Variants in TMTC1 observed in about 807,000 individuals in gnomAD.
TMTC1 encodes transmembrane O-mannosyltransferase targeting cadherins 1, also known as protein O-mannosyl-transferase TMTC1.
In TMTC1, 73 loss-of-function variants were observed where a neutral mutation model predicts 104.8. The ratio of observed to expected loss-of-function variants is 0.70; its 90% confidence interval spans 0.58 to 0.85. The LOEUF (loss-of-function observed/expected upper bound fraction) is 0.85, where lower values mean the gene tolerates loss of function less well. Ranked by LOEUF, TMTC1 falls within the 40% of genes least tolerant of loss-of-function variation. The pLI, the probability that TMTC1 is intolerant of heterozygous loss-of-function variation, is 0.00. For missense variants in TMTC1, 1,035 were observed against 1,096.1 expected, an observed-to-expected ratio of 0.94 and a Z score of 0.79; for synonymous variants, 434 against 428.7, an observed-to-expected ratio of 1.01 and a Z score of -0.15.
intron 10 of TMTC1, among the ~76,000 whole-genome samples, chr12:29,552,470 G>C (rs778516546): frequency 6.6e-6 from 1 of 152,056 alleles, no homozygotes; most frequent in Non-Finnish European, 1.5e-5. Flanking sequence ...TACATGTATG[G>C]CTCTCATTTC....
intron 5 of TMTC1, among the ~76,000 whole-genome samples, chr12:29,732,855 C>T (rs1942580079): frequency 6.6e-6 from 1 of 152,076 alleles, no homozygotes; most frequent in African/African-American, 2.4e-5. Flanking sequence ...CTTCTCATGC[C>T]ATTTAAAGTC....
chr12:29,736,146 A>G (rs1295142612), intron 5 of TMTC1, among the ~76,000 whole-genome samples: 1 of 151,902 alleles, frequency 6.6e-6, no homozygotes. Context: ...AGCAGCCAAT[A>G]TACAGAAAGC....
intron 17 of TMTC1, among the ~76,000 whole-genome samples, chr12:29,510,837 C>T (rs553863901): frequency 5.9e-5 from 9 of 152,290 alleles, no homozygotes; most frequent in African/African-American, 2.2e-4. Flanking sequence ...AACCCTGACT[C>T]ATTTGGCATA....
chr12:29,644,147 GTGTATATA>G (rs1401753013), intron 5 of TMTC1, among the ~76,000 whole-genome samples: 9 of 61,534 alleles, frequency 1.5e-4, no homozygotes, highest in East Asian at 1.4e-3. Flanking sequence ...GTGTGTGTGT[GTGTATATA>G]TATATATAAT....
upstream of TMTC1, chr12:29,784,566 C>T (rs1174312583): frequency 6.6e-6 from 1 of 152,238 alleles, no homozygotes; most frequent in East Asian, 1.9e-4. Flanking sequence ...ATCCTGCTCG[C>T]CCTGCCCGGG....
At chr12:29,688,936 G>T (rs1941179959) in intron 5 of TMTC1, among the ~76,000 whole-genome samples, 1 of 152,036 alleles carries the variant, frequency 6.6e-6, no homozygotes, top group Non-Finnish European at 1.5e-5. Flanking sequence ...TGTGACCAAT[G>T]AGATCTAAGA....
chr12:29,692,873 C>T (rs1222207892), intron 5 of TMTC1, among the ~76,000 whole-genome samples: 2 of 144,510 alleles, frequency 1.4e-5, no homozygotes, highest in Non-Finnish European at 3.0e-5. Context: ...CATCATACTA[C>T]ATTAAAGAAG....
intron 9 of TMTC1, among the ~76,000 whole-genome samples, chr12:29,563,704 T>C (rs2136279206): frequency 6.6e-6 from 1 of 152,264 alleles, no homozygotes; most frequent in East Asian, 1.9e-4. Flanking sequence ...TGATCGAGAT[T>C]TTATGCATTA....
intron 9 of TMTC1, among the ~76,000 whole-genome samples, chr12:29,558,199 G>T (rs1466862963): frequency 6.6e-6 from 1 of 152,190 alleles, no homozygotes; most frequent in Non-Finnish European, 1.5e-5. Flanking sequence ...TGGTAGGTTT[G>T]TTCCATCTCT....
chr12:29,687,094 G>A (rs147087451), intron 5 of TMTC1, among the ~76,000 whole-genome samples: 21 of 152,206 alleles, frequency 1.4e-4, no homozygotes, highest in South Asian at 4.1e-4. Context: ...ACAATAATAC[G>A]CAAGAAAATA....
At chr12:29,561,197 A>T (rs2136273292) in intron 9 of TMTC1, among the ~76,000 whole-genome samples, 1 of 152,250 alleles carries the variant, frequency 6.6e-6, no homozygotes, top group East Asian at 1.9e-4. Context: ...AGAAAAAAAA[A>T]AAAAGACATC....
At chr12:29,718,374 G>A (rs1942141784) in intron 5 of TMTC1, among the ~76,000 whole-genome samples, 1 of 152,182 alleles carries the variant, frequency 6.6e-6, no homozygotes, top group South Asian at 2.1e-4. Flanking sequence ...AGAATCCAGA[G>A]CAGCCTTGAT....
At chr12:29,592,572 C>A (rs902264236) in intron 7 of TMTC1, among the ~76,000 whole-genome samples, 1 of 152,104 alleles carries the variant, frequency 6.6e-6, no homozygotes. Context: ...TCTTTTACTC[C>A]TCTCAGCCTC....
At chr12:29,770,781 T>G (rs956408891) in intron 1 of TMTC1, among the ~76,000 whole-genome samples, 1 of 152,116 alleles carries the variant, frequency 6.6e-6, no homozygotes, top group East Asian at 1.9e-4. Flanking sequence ...TACAGACAAG[T>G]AAGCTTGAGA....
At chr12:29,574,783 G>C (rs1021146456) in intron 8 of TMTC1, among the ~76,000 whole-genome samples, 3 of 152,106 alleles carry the variant, frequency 2.0e-5, no homozygotes, top group Non-Finnish European at 4.4e-5. Context: ...TTCCTCACAG[G>C]CCCTATATCC....
intron 1 of TMTC1, among the ~76,000 whole-genome samples, chr12:29,779,053 T>C (rs894077963): frequency 6.6e-6 from 1 of 152,188 alleles, no homozygotes; most frequent in South Asian, 2.1e-4. Context: ...GCAAAAAGAC[T>C]GGCACTCTTC....
At chr12:29,686,155 C>T (rs929956123) in intron 5 of TMTC1, among the ~76,000 whole-genome samples, 7 of 152,256 alleles carry the variant, frequency 4.6e-5, no homozygotes, top group African/African-American at 1.7e-4. Flanking sequence ...TGACATTGTT[C>T]ATCAATCTCT....
intron 5 of TMTC1, among the ~76,000 whole-genome samples, chr12:29,728,998 CAAAAAAAAAAA>C (rs34267484): frequency 5.8e-5 from 4 of 68,748 alleles, no homozygotes; most frequent in South Asian, 5.2e-4. Flanking sequence ...ACTCCATCTC[CAAAAAAAAAAA>C]AAAAAAAAGC....
At chr12:29,591,443 G>A (rs1946279149) in intron 7 of TMTC1, among the ~76,000 whole-genome samples, 1 of 152,252 alleles carries the variant, frequency 6.6e-6, no homozygotes, top group South Asian at 2.1e-4. Context: ...TTCACTACAC[G>A]CACAAAAGAG....
Sources: allele counts gnomAD v4.1 joint callset (sites outside exome capture counted in the v4.1 genomes callset), GRCh38; gene constraint gnomAD v4.1.1; transcripts MANE v1.5; gene names NCBI Gene and HGNC (gene_info 2026-07-23, HGNC 2026-07-21).